FIGN: variants seen among roughly 807,000 people sequenced by gnomAD.
FIGN encodes the protein fidgetin, microtubule severing factor.
Under a neutral mutation model 51.3 loss-of-function variants are expected in FIGN, and 11 were observed. The ratio of observed to expected loss-of-function variants is 0.21; its 90% CI spans 0.13 to 0.35. The LOEUF (loss-of-function observed/expected upper bound fraction) is 0.35, where lower values mean the gene tolerates loss of function less well. FIGN is among the 10% of genes least tolerant of loss of function. The pLI is 1.00. For missense variants in FIGN, 857 were observed against 943.6 expected (o/e 0.91, Z 1.20); for synonymous variants, 407 against 363.2 (o/e 1.12, Z -1.37).
chr2:163,613,724 A>G (rs1165207535), intron 2 of FIGN, among the ~76,000 whole-genome samples: 1 of 152,194 alleles, frequency 6.6e-6, no homozygotes, highest in Non-Finnish European at 1.5e-5. Flanking sequence ...GAAATACTGA[A>G]AACAAGGTGG....
intron 2 of FIGN, among the ~76,000 whole-genome samples, chr2:163,680,635 C>T (rs1008377109): frequency 2.0e-5 from 3 of 152,116 alleles, no homozygotes; most frequent in East Asian, 1.9e-4. Context: ...TTTTACCTTC[C>T]GTCCTATAAT....
At chr2:163,630,036 C>T (rs535079945) in intron 2 of FIGN, among the ~76,000 whole-genome samples, 126 of 139,506 alleles carry the variant, frequency 9.0e-4, no homozygotes, top group African/African-American at 3.0e-3. Context: ...TCTTGGCTCA[C>T]GGCAACCTCA....
At chr2:163,647,780 G>A (rs569766711) in intron 2 of FIGN, among the ~76,000 whole-genome samples, 31 of 152,286 alleles carry the variant, frequency 2.0e-4, no homozygotes, top group African/African-American at 6.5e-4. Context: ...AGCTCTCTGC[G>A]AGGTTGAAAT....
intron 2 of FIGN, among the ~76,000 whole-genome samples, chr2:163,632,165 TA>T (rs1683155044): frequency 1.3e-5 from 2 of 152,128 alleles, no homozygotes; most frequent in Non-Finnish European, 2.9e-5. Context: ...TATATAAAAA[TA>T]AAAAATATAT....
intron 2 of FIGN, among the ~76,000 whole-genome samples, chr2:163,669,503 C>CAATAT (rs1559015641): frequency 6.6e-6 from 1 of 152,106 alleles, no homozygotes; most frequent in Non-Finnish European, 1.5e-5. Flanking sequence ...ATAAGAAATA[C>CAATAT]GTATTTGACT....
intron 2 of FIGN, among the ~76,000 whole-genome samples, chr2:163,652,361 A>AAACAC (rs1683491787): frequency 1.2e-3 from 162 of 139,450 alleles, no homozygotes; most frequent in African/African-American, 3.6e-3. Context: ...CACACACACA[A>AAACAC]ACACACACAC....
chr2:163,674,346 C>T (rs551847924), intron 2 of FIGN, among the ~76,000 whole-genome samples: 5 of 152,306 alleles, frequency 3.3e-5, no homozygotes, highest in African/African-American at 1.2e-4. Context: ...TAGAGATCTG[C>T]TTCTGAGCTA....
At chr2:163,719,411 CACACAAGTAAATGTCTGG>C (rs1443274926) in intron 2 of FIGN, among the ~76,000 whole-genome samples, 1 of 152,094 alleles carries the variant, frequency 6.6e-6, no homozygotes, top group Non-Finnish European at 1.5e-5. Flanking sequence ...CAGACACAAA[CACACAAGTAAATGTCTGG>C]GCACACTCAG....
chr2:163,729,074 T>A (rs1439324428), intron 2 of FIGN, among the ~76,000 whole-genome samples: 1 of 152,194 alleles, frequency 6.6e-6, no homozygotes, highest in Admixed American at 6.5e-5. Context: ...TGCATGAAAG[T>A]AGAGTTTACC....
chr2:163,605,208 G>A lies in FIGN; in HGVS notation c.*4344C>T, dbSNP rs1404243175. Reference sequence around the variant, plus strand: ...CTGCTTGTGTTGTATTTAAAAACAGGGGAAAGAGGAGAGACTTGTTCATTA... The same window carrying A: ...CTGCTTGTGTTGTATTTAAAAACAGAGGAAAGAGGAGAGACTTGTTCATTA... On this transcript the variant is annotated 3_prime_UTR_variant, in exon 3 of 3. Transcript: ENST00000333129. 2.6e-5 allele frequency: 4 copies of A among 151,868 alleles called. No homozygotes were observed. Among genetic ancestry groups the A allele is most frequent in the Non-Finnish European group, 5.9e-5 (4 of 67,956 alleles). The allele number at this position is 151,868 out of a possible 1,614,324, so 9.4% of individuals were successfully genotyped here.
rs565903628 is a variant in FIGN, at chr2:163,681,343, T to C, written c.25+53560A>G. On this transcript the variant is annotated intron_variant, in intron 2 of 2. Coordinates refer to ENST00000333129, the MANE Select transcript of FIGN (RefSeq NM_018086.4). ...TGTAGCCCCTTTACAGAGGAAGAAATAGGTTCCAAATGACACCACAACTTT... is the reference window on the plus strand; with the variant it reads ...TGTAGCCCCTTTACAGAGGAAGAAACAGGTTCCAAATGACACCACAACTTT... Among the ~76,000 whole-genome samples, 15 of 152,204 alleles carry C rather than the reference T, an allele frequency of 9.9e-5. No individual in the cohort carries two copies. The East Asian group carries it at 2.5e-3, about 26-fold the overall frequency.
At chr2:163,617,060 C>G (rs892590027) in intron 2 of FIGN, 30 of 966,276 alleles carry the variant, frequency 3.1e-5, no homozygotes, top group Non-Finnish European at 3.3e-5. Context: ...CTTGTCTACT[C>G]ATCCTCATAA....
intron 2 of FIGN, among the ~76,000 whole-genome samples, chr2:163,715,949 C>T (rs116181035): frequency 0.038 from 5,781 of 152,234 alleles, 132 homozygotes; most frequent in Non-Finnish European, 0.046. Context: ...AATTTATATG[C>T]AAATTCTACC....
At chr2:163,681,543 T>C (rs980427431) in intron 2 of FIGN, among the ~76,000 whole-genome samples, 1 of 151,960 alleles carries the variant, frequency 6.6e-6, no homozygotes, top group Non-Finnish European at 1.5e-5. Flanking sequence ...AGACCCCATC[T>C]CTTAAAAAGA....
At chr2:163,658,377 CT>C (rs1683596947) in intron 2 of FIGN, among the ~76,000 whole-genome samples, 1 of 20,798 alleles carries the variant, frequency 4.8e-5, no homozygotes, top group Non-Finnish European at 1.4e-4. Flanking sequence ...CTCTCTCTCT[CT>C]CTCTCTCTCT....
At chr2:163,708,599 G>T (rs964544707) in intron 2 of FIGN, among the ~76,000 whole-genome samples, 1 of 152,158 alleles carries the variant, frequency 6.6e-6, no homozygotes, top group Non-Finnish European at 1.5e-5. Context: ...CTTCCAACTG[G>T]CATGTCAGTA....
intron 2 of FIGN, among the ~76,000 whole-genome samples, chr2:163,644,391 A>C (rs1252978111): frequency 6.6e-6 from 1 of 152,214 alleles, no homozygotes; most frequent in African/African-American, 2.4e-5. Flanking sequence ...ATACCATTTC[A>C]TACTTCCCAG....
At chr2:163,679,469 C>T (rs1217046931) in intron 2 of FIGN, among the ~76,000 whole-genome samples, 2 of 150,008 alleles carry the variant, frequency 1.3e-5, no homozygotes, top group East Asian at 2.0e-4. Flanking sequence ...GCACTGCAGC[C>T]TGGGCGACAC....
At chr2:163,720,786 A>G (rs1242583388) in intron 2 of FIGN, among the ~76,000 whole-genome samples, 1 of 152,166 alleles carries the variant, frequency 6.6e-6, no homozygotes, top group Non-Finnish European at 1.5e-5. Context: ...AAATAAACAC[A>G]CACACACACA....
Sources: gnomAD v4.1 joint callset for allele counts (sites outside exome capture counted in the v4.1 genomes callset) on GRCh38, gnomAD v4.1.1 for gene constraint, MANE v1.5 for transcripts, NCBI Gene and HGNC (gene_info 2026-07-23, HGNC 2026-07-21) for gene names.